EPHB1: variants seen among roughly 807,000 people sequenced by gnomAD.
The protein encoded by EPHB1 is EPH receptor B1, also known as ephrin type-B receptor 1.
In EPHB1, 30 loss-of-function variants were observed where a neutral mutation model predicts 94.4. That is an observed-to-expected ratio of 0.32 (90% CI 0.24 to 0.43). The LOEUF (loss-of-function observed/expected upper bound fraction) is 0.43. Among genes scored for constraint, EPHB1 ranks in the 20% least tolerant of loss-of-function variants. The pLI is 1.00. For missense variants in EPHB1, 1,055 were observed against 1,308.3 expected, an observed-to-expected ratio of 0.81 and a Z score of 2.99; for synonymous variants, 522 against 489.1, an observed-to-expected ratio of 1.07 and a Z score of -0.89.
Position 135,251,124 on chromosome 3 carries a change from C to T in EPHB1, c.2846+1633C>T, listed in dbSNP as rs113061828. On this transcript the variant is annotated intron_variant, in intron 15 of 15. Transcript: ENST00000398015. ...ATGGTTTGAATGTGTGTCTAGCTTT[C>T]GATCCACTGAACATCAGAATACATT... Among the ~76,000 whole-genome samples the T allele has an allele frequency of 3.3e-5, 5 of 151,730 alleles. No homozygotes were observed. In the East Asian group the frequency reaches 5.8e-4, roughly 18 times the overall value.
intron 5 of EPHB1, among the ~76,000 whole-genome samples, chr3:135,146,303 G>A (rs918371192): frequency 2.2e-4 from 34 of 152,216 alleles, no homozygotes; most frequent in African/African-American, 8.2e-4. Context: ...TAGCATTGGA[G>A]TAACAAAGGT....
intron 9 of EPHB1, among the ~76,000 whole-genome samples, chr3:135,178,946 G>A (rs773452909): frequency 7.9e-5 from 12 of 152,148 alleles, no homozygotes; most frequent in Non-Finnish European, 1.6e-4. Context: ...CCTGTACTTT[G>A]CTTAATGACG....
At chr3:135,205,403 A>G (rs1284973623) in intron 12 of EPHB1, among the ~76,000 whole-genome samples, 1 of 152,006 alleles carries the variant, frequency 6.6e-6, no homozygotes, top group Non-Finnish European at 1.5e-5. Flanking sequence ...TTATTCCTTT[A>G]TACTGTTTAT....
intron 11 of EPHB1, among the ~76,000 whole-genome samples, chr3:135,197,288 C>T (rs1942648372): frequency 6.6e-6 from 1 of 152,048 alleles, no homozygotes; most frequent in African/African-American, 2.4e-5. Flanking sequence ...TCTTGAAAGT[C>T]GCTGAGTAAT....
chr3:135,220,462 G>A (rs546881339), intron 12 of EPHB1, among the ~76,000 whole-genome samples: 1 of 152,238 alleles, frequency 6.6e-6, no homozygotes, highest in East Asian at 1.9e-4. Context: ...TGCTCACTTA[G>A]AGAATACATG....
At chr3:135,025,157 CCTT>C (rs1222633102) in intron 3 of EPHB1, among the ~76,000 whole-genome samples, 6 of 72,254 alleles carry the variant, frequency 8.3e-5, no homozygotes, top group Admixed American at 1.8e-4. Context: ...TTCCCTCCTT[CCTT>C]CTTTCTTTTT....
At chr3:134,870,192 T>G (rs2037469983) in intron 1 of EPHB1, among the ~76,000 whole-genome samples, 1 of 151,406 alleles carries the variant, frequency 6.6e-6, no homozygotes, top group Non-Finnish European at 1.5e-5. Context: ...CTTCCTGAGG[T>G]GAGCCAAAGT....
intron 3 of EPHB1, among the ~76,000 whole-genome samples, chr3:135,058,622 A>G (rs548442435): frequency 1.3e-5 from 2 of 152,290 alleles, no homozygotes. Context: ...GGCAAGTTCA[A>G]AGTCTTTAAA....
At chr3:134,965,324 C>T (rs1933693088) in intron 3 of EPHB1, among the ~76,000 whole-genome samples, 4 of 152,208 alleles carry the variant, frequency 2.6e-5, no homozygotes, top group South Asian at 4.1e-4. Flanking sequence ...TGACTGCTTC[C>T]ACCTTGCAGG....
At chr3:135,091,294 C>G (rs954810797) in intron 3 of EPHB1, among the ~76,000 whole-genome samples, 3 of 152,188 alleles carry the variant, frequency 2.0e-5, no homozygotes, top group African/African-American at 7.2e-5. Context: ...GCAGGTGGAG[C>G]AGACATTGGC....
At chr3:134,983,281 G>T (rs954641187) in intron 3 of EPHB1, among the ~76,000 whole-genome samples, 3 of 152,230 alleles carry the variant, frequency 2.0e-5, no homozygotes, top group African/African-American at 7.2e-5. Flanking sequence ...TGACTACTGT[G>T]TTGGCAACTT....
At chr3:134,939,120 C>T (rs1021715333) in intron 2 of EPHB1, among the ~76,000 whole-genome samples, 1 of 152,166 alleles carries the variant, frequency 6.6e-6, no homozygotes, top group Admixed American at 6.5e-5. Context: ...TGGAGCTCTG[C>T]TCTTAAATAT....
chr3:134,941,909 C>G (rs1406702555), intron 2 of EPHB1, among the ~76,000 whole-genome samples: 2 of 152,152 alleles, frequency 1.3e-5, no homozygotes, highest in Non-Finnish European at 2.9e-5. Flanking sequence ...AAACCTAGAT[C>G]TTGGAGAGAC....
At chr3:134,912,070 A>G (rs1487388044) in intron 1 of EPHB1, among the ~76,000 whole-genome samples, 1 of 152,172 alleles carries the variant, frequency 6.6e-6, no homozygotes, top group Non-Finnish European at 1.5e-5. Flanking sequence ...CTGGGCCACC[A>G]TCCATCGCCG....
intron 12 of EPHB1, among the ~76,000 whole-genome samples, chr3:135,210,504 G>T (rs946690445): frequency 2.6e-5 from 4 of 152,196 alleles, no homozygotes; most frequent in African/African-American, 7.2e-5. Flanking sequence ...CCTGGTTCTG[G>T]ACATGAAGGA....
chr3:134,922,600 C>G (rs1460125843), intron 1 of EPHB1, among the ~76,000 whole-genome samples: 1 of 152,224 alleles, frequency 6.6e-6, no homozygotes, highest in Non-Finnish European at 1.5e-5. Flanking sequence ...AAGGTTGATT[C>G]TTTTATTTGA....
In EPHB1 at chr3:135,248,498, C is replaced by A. The variant is rs752852689; in HGVS notation, c.2679C>A (p.Thr893=). 1 of 1,602,786 alleles carries A rather than the reference C, an allele frequency of 6.2e-7. No individual in the cohort carries two copies. The highest frequency in any genetic ancestry group is 1.7e-5 in the Admixed American group (1 of 59,176). Reference sequence around the variant, plus strand: ...CGGCAAGTCTCAAGACTGTGGCAACCATCACCGCCGTGTGAGTCTAGTGAA... The same window carrying A: ...CGGCAAGTCTCAAGACTGTGGCAACAATCACCGCCGTGTGAGTCTAGTGAA... ...RNPASLKTVA[T]ITAVPSQPLL... is the part of the protein sequence containing the mutation. The change falls in exon 14 of 16, where the codon ACC becomes ACA. Residue 893 remains threonine (T), a synonymous_variant. Transcript: ENST00000398015.
intron 13 of EPHB1, among the ~76,000 whole-genome samples, chr3:135,243,238 T>C (rs1239689780): frequency 6.6e-6 from 1 of 152,202 alleles, no homozygotes; most frequent in East Asian, 1.9e-4. Context: ...CTGTCAATGC[T>C]GAAAACAAAA....
At chr3:135,164,958 A>G in intron 7 of EPHB1, among the ~76,000 whole-genome samples, 1 of 152,188 alleles carries the variant, frequency 6.6e-6, no homozygotes, top group Non-Finnish European at 1.5e-5. Flanking sequence ...TTATACTAAA[A>G]CCTTTTTCAT....
Sources: allele counts gnomAD v4.1 joint callset (sites outside exome capture counted in the v4.1 genomes callset), GRCh38; gene constraint gnomAD v4.1.1; transcripts MANE v1.5; gene names NCBI Gene and HGNC (gene_info 2026-07-23, HGNC 2026-07-21).